MYLK4: variants seen among roughly 807,000 people sequenced by gnomAD.
MYLK4 encodes myosin light chain kinase family member 4.
In MYLK4, 46 loss-of-function variants were observed where a neutral mutation model predicts 48.1. That is an observed-to-expected ratio of 0.96 (90% CI 0.75 to 1.22). MYLK4 has a LOEUF of 1.22. Among genes scored for constraint, MYLK4 ranks in the 50% most tolerant of loss-of-function variants. The pLI is 0.00. For missense variants in MYLK4, 451 were observed against 486.1 expected (o/e 0.93, Z 0.68); for synonymous variants, 170 against 180.8 (o/e 0.94, Z 0.48).
chr6:2,768,666 A>T, the MYLK4 span: 37 of 1,562,452 alleles, frequency 2.4e-5, no homozygotes, highest in Non-Finnish European at 3.1e-5. Context: ...AGCTTTTCAA[A>T]CTCCATGTAT....
the MYLK4 span, among the ~76,000 whole-genome samples, chr6:2,768,016 T>C: frequency 1.3e-5 from 2 of 152,238 alleles, no homozygotes; most frequent in Non-Finnish European, 2.9e-5. Context: ...CATCCTTTAG[T>C]ACTAATAACA....
At chr6:2,678,041 G>T (rs1761144775) in intron 10 of MYLK4, among the ~76,000 whole-genome samples, 179 bp downstream of exon 10, 1 of 152,192 alleles carries the variant, frequency 6.6e-6, no homozygotes, top group African/African-American at 2.4e-5. Flanking sequence ...GTAGCTTCAT[G>T]ACCAAAGCAG....
intron 2 of MYLK4, among the ~76,000 whole-genome samples, chr6:2,716,449 T>C (rs1006778040): frequency 6.6e-6 from 1 of 152,220 alleles, no homozygotes; most frequent in African/African-American, 2.4e-5. Flanking sequence ...CAAGAAGCTA[T>C]TGACTGTGTT....
At chr6:2,732,840 C>T (rs1763524157) in intron 2 of MYLK4, among the ~76,000 whole-genome samples, 2 of 152,242 alleles carry the variant, frequency 1.3e-5, no homozygotes, top group Admixed American at 6.5e-5. Flanking sequence ...TTGGGCTTCA[C>T]TCCACCTAGC....
At chr6:2,689,611 A>G (rs1484060382) in intron 3 of MYLK4, among the ~76,000 whole-genome samples, 2 of 152,212 alleles carry the variant, frequency 1.3e-5, no homozygotes, top group Non-Finnish European at 2.9e-5. Context: ...CATCAGCACC[A>G]GCTCTAACAT....
chr6:2,734,399 G>C (rs886078596), intron 2 of MYLK4, among the ~76,000 whole-genome samples: 1 of 152,140 alleles, frequency 6.6e-6, no homozygotes, highest in African/African-American at 2.4e-5. Context: ...ACCCTCCCAG[G>C]GCAGAGGGAG....
At chr6:2,765,789 G>A in the MYLK4 span, 2 of 1,416,180 alleles carry the variant, frequency 1.4e-6, no homozygotes, top group Non-Finnish European at 1.8e-6. Context: ...GGGTCGCACC[G>A]CGCCGGGGAG....
At chr6:2,766,385 C>G in the MYLK4 span, 2 of 1,607,928 alleles carry the variant, frequency 1.2e-6, no homozygotes, top group Non-Finnish European at 1.7e-6. Context: ...GCTGCGCTCG[C>G]TCCTGGAGAC....
At chr6:2,720,645 A>G (rs538097624) in intron 2 of MYLK4, among the ~76,000 whole-genome samples, 1 of 152,196 alleles carries the variant, frequency 6.6e-6, no homozygotes, top group Non-Finnish European at 1.5e-5. Context: ...GGATTCGTGT[A>G]AAAGAAACAT....
intron 2 of MYLK4, among the ~76,000 whole-genome samples, chr6:2,709,313 C>G (rs922586539): frequency 3.3e-5 from 5 of 152,234 alleles, no homozygotes; most frequent in Non-Finnish European, 7.3e-5. Context: ...ACATCAACAT[C>G]TTAACACTCC....
the MYLK4 span, among the ~76,000 whole-genome samples, chr6:2,761,438 G>C: frequency 6.6e-6 from 1 of 152,184 alleles, no homozygotes; most frequent in Admixed American, 6.5e-5. Context: ...GGTGATTTTT[G>C]AAGTACGTTT....
chr6:2,676,113 A>C (rs1218314429), intron 10 of MYLK4, among the ~76,000 whole-genome samples: 1 of 151,996 alleles, frequency 6.6e-6, no homozygotes, highest in African/African-American at 2.4e-5. Flanking sequence ...AAAAAATGAA[A>C]AAACAAACAA....
chr6:2,767,532 T>A, the MYLK4 span, among the ~76,000 whole-genome samples: 10 of 152,238 alleles, frequency 6.6e-5, no homozygotes, highest in Non-Finnish European at 1.3e-4. Flanking sequence ...ATGCCTTCCC[T>A]TTGGCCAGGA....
At chr6:2,749,589 A>T (rs986945597) in intron 1 of MYLK4, among the ~76,000 whole-genome samples, 183 bp from the exon 2 acceptor site, 8 of 152,204 alleles carry the variant, frequency 5.3e-5, no homozygotes, top group Admixed American at 1.3e-4. Context: ...AAGGAAAAAA[A>T]ATTTTTTCAC....
intron 2 of MYLK4, among the ~76,000 whole-genome samples, chr6:2,693,146 T>C (rs1008627941): frequency 2.0e-5 from 3 of 152,080 alleles, no homozygotes; most frequent in Non-Finnish European, 4.4e-5. Flanking sequence ...AAAAGCCCAG[T>C]AAAATTAATA....
Position 2,688,919 on chromosome 6 carries a change from A to T in MYLK4, c.273T>A (p.Arg91=). The change falls in exon 4 of 13, where the codon CGT becomes CGA. Residue 91 remains arginine (R), a synonymous_variant. Transcript: ENST00000274643. ...CCGCTCCTTGCTTGGCTGTCACAAT[A>T]CGATGATCAAATGGGGCCGGAGGAG... The part of the protein sequence containing the change: ...IPAPPAPFDH[R]IVTAKQGAVN... 1 of 1,614,206 alleles carries T rather than the reference A, an allele frequency of 6.2e-7. No homozygotes were observed. Among genetic ancestry groups the T allele is most frequent in the Non-Finnish European group, 8.5e-7 (1 of 1,180,022 alleles).
rs1385591382 is a variant in MYLK4, at chr6:2,685,790, G to T, written c.342-214C>A. On this transcript the variant is annotated intron_variant, in intron 4 of 12. Coordinates refer to ENST00000274643, the MANE Select transcript of MYLK4 (RefSeq NM_001012418.5). The surrounding 1 kb of genome is among the most constrained non-coding windows in gnomAD (Gnocchi z 4.5). ...GGAGCTGTTAAGAAAGCAGGTCTCG[G>T]CCGGGCACGGTGGCTCACACCTGTA... Among the ~76,000 whole-genome samples the T allele has an allele frequency of 6.6e-6, 1 of 152,116 alleles. No individual in the cohort carries two copies. The highest frequency in any genetic ancestry group is 1.5e-5 in the Non-Finnish European group (1 of 68,028).
In MYLK4 at chr6:2,735,364, A is replaced by G. The variant is rs531013460; in HGVS notation, c.159+13772T>C. Among the ~76,000 whole-genome samples the G allele has an allele frequency of 4.2e-5, 5 of 119,772 alleles. No homozygotes were observed. The South Asian group carries it at 1.6e-3, about 39-fold the overall frequency. The allele number at this position is 119,772 out of a possible 152,430, so 78.6% of individuals were successfully genotyped here. On this transcript the variant is annotated intron_variant, in intron 2 of 12. Coordinates refer to ENST00000274643, the MANE Select transcript of MYLK4 (RefSeq NM_001012418.5). ...TTCTGCCAGTCTAGAAATGATTAAA[A>G]TTCCAATCTTGGAAGCTCTTGGGAA...
chr6:2,763,869 G>A, the MYLK4 span, among the ~76,000 whole-genome samples: 1 of 151,752 alleles, frequency 6.6e-6, no homozygotes, highest in Non-Finnish European at 1.5e-5. Context: ...GCTCACGGTC[G>A]GGCGCAGTGG....
Sources: allele counts gnomAD v4.1 joint callset (sites outside exome capture counted in the v4.1 genomes callset), GRCh38; gene constraint gnomAD v4.1.1; non-coding constraint Gnocchi (gnomAD v3.1); transcripts MANE v1.5; gene names NCBI Gene and HGNC (gene_info 2026-07-23, HGNC 2026-07-21).